Variants in WASF2 observed in about 807,000 individuals in gnomAD.
WASF2 encodes actin-binding protein WASF2.
In WASF2, 14 loss-of-function variants were observed where a neutral mutation model predicts 45.0. The observed-to-expected ratio is 0.31, with a 90% confidence interval of 0.21 to 0.49. The LOEUF (loss-of-function observed/expected upper bound fraction) is 0.49, where lower values mean the gene tolerates loss of function less well. Ranked by LOEUF, WASF2 falls within the 20% of genes least tolerant of loss-of-function variation. WASF2 has a pLI of 0.99. For missense variants in WASF2, 439 were observed against 636.1 expected, an observed-to-expected ratio of 0.69 and a Z score of 3.33; for synonymous variants, 200 against 236.3, an observed-to-expected ratio of 0.85 and a Z score of 1.41.
At chr1:27,442,978 G>A (rs1380553564) in intron 1 of WASF2, among the ~76,000 whole-genome samples, 4 of 128,424 alleles carry the variant, frequency 3.1e-5, no homozygotes, top group Non-Finnish European at 6.4e-5. Context: ...GAAACAGAGC[G>A]AGACTCTGTC....
At chr1:27,442,655 T>C (rs980310784) in intron 1 of WASF2, among the ~76,000 whole-genome samples, 16 of 151,460 alleles carry the variant, frequency 1.1e-4, no homozygotes, top group Non-Finnish European at 1.8e-4. Context: ...GCCCAGGAGT[T>C]TGAGACCAGC....
At chr1:27,416,573 G>A (rs2016828846) in intron 4 of WASF2, among the ~76,000 whole-genome samples, 1 of 152,240 alleles carries the variant, frequency 6.6e-6, no homozygotes, top group Non-Finnish European at 1.5e-5. Context: ...GTATGCATAT[G>A]TACACATATA....
chr1:27,432,419 C>A (rs529961520), intron 1 of WASF2, among the ~76,000 whole-genome samples: 2 of 151,780 alleles, frequency 1.3e-5, no homozygotes, highest in Non-Finnish European at 2.9e-5. Context: ...GAGGCCGAGG[C>A]GGGCGGATCA....
intron 1 of WASF2, among the ~76,000 whole-genome samples, chr1:27,487,323 T>C (rs1162956870): frequency 7.0e-6 from 1 of 142,918 alleles, no homozygotes; most frequent in Non-Finnish European, 1.5e-5. Context: ...ATGGTCTCGA[T>C]CTCCCGACCT....
At chr1:27,474,204 A>G (rs1231893917) in intron 1 of WASF2, among the ~76,000 whole-genome samples, 1 of 152,196 alleles carries the variant, frequency 6.6e-6, no homozygotes, top group African/African-American at 2.4e-5. Context: ...TAGGAGATAG[A>G]TACATAGGAG....
At chr1:27,420,926 A>G (rs2016900648) in intron 2 of WASF2, among the ~76,000 whole-genome samples, 1 of 152,226 alleles carries the variant, frequency 6.6e-6, no homozygotes. Flanking sequence ...TCTAATTTTT[A>G]GCTTCAAAAC....
chr1:27,459,058 G>A (rs1223645698), intron 1 of WASF2, among the ~76,000 whole-genome samples: 4 of 151,246 alleles, frequency 2.6e-5, no homozygotes, highest in Non-Finnish European at 2.9e-5. Flanking sequence ...CCCAGGAAGC[G>A]GAGGTTGCAG....
chr1:27,484,936 G>A (rs180994633), intron 1 of WASF2, among the ~76,000 whole-genome samples: 354 of 151,578 alleles, frequency 2.3e-3, no homozygotes, highest in African/African-American at 7.7e-3. Flanking sequence ...GATCACCTGA[G>A]GTCAAGAGTT....
intron 1 of WASF2, among the ~76,000 whole-genome samples, chr1:27,482,796 A>G (rs1245265275): frequency 6.6e-6 from 1 of 152,206 alleles, no homozygotes; most frequent in Non-Finnish European, 1.5e-5. Context: ...AAAGGAGAAC[A>G]TGCACCTGAG....
At chr1:27,435,660 G>C (rs1278082530) in intron 1 of WASF2, among the ~76,000 whole-genome samples, 1 of 151,730 alleles carries the variant, frequency 6.6e-6, no homozygotes, top group Non-Finnish European at 1.5e-5. Flanking sequence ...GGGGTGAGCT[G>C]GGGGTTGGAG....
intron 1 of WASF2, among the ~76,000 whole-genome samples, chr1:27,445,926 A>G (rs2017305119): frequency 6.6e-6 from 1 of 150,958 alleles, no homozygotes; most frequent in Non-Finnish European, 1.5e-5. Context: ...TAATCTGTGT[A>G]TGTATATTTT....
chr1:27,442,827 C>G (rs1345916000), intron 1 of WASF2, among the ~76,000 whole-genome samples: 1 of 151,530 alleles, frequency 6.6e-6, no homozygotes, highest in East Asian at 1.9e-4. Context: ...ATGGTGAAAC[C>G]CCGTCTCTAC....
intron 1 of WASF2, among the ~76,000 whole-genome samples, chr1:27,442,728 C>T (rs945580000): frequency 6.6e-6 from 1 of 151,714 alleles, no homozygotes; most frequent in African/African-American, 2.4e-5. Context: ...AAGGGCCGGG[C>T]GTGGTGGCTC....
At chr1:27,473,455 CAAAAAAA>C (rs752426888) in intron 1 of WASF2, among the ~76,000 whole-genome samples, 2 of 49,752 alleles carry the variant, frequency 4.0e-5, no homozygotes, top group African/African-American at 7.6e-5. Flanking sequence ...ACTCCATGGC[CAAAAAAA>C]AAAAAAAAAA....
At chr1:27,460,284 G>A (rs2017526802) in intron 1 of WASF2, among the ~76,000 whole-genome samples, 1 of 152,058 alleles carries the variant, frequency 6.6e-6, no homozygotes, top group African/African-American at 2.4e-5. Flanking sequence ...AGACTTGGAG[G>A]AAATGAAGTT....
In WASF2 at chr1:27,408,203, C is replaced by T. The variant is rs757131716; in HGVS notation, c.1483G>A (p.Asp495Asn). 1.4e-5 allele frequency: 22 copies of T among 1,613,696 alleles called. No individual in the cohort carries two copies. Among genetic ancestry groups the T allele is most frequent in the East Asian group, 2.2e-5 (1 of 44,888 alleles). ...GGCAGAAAGAGTTAATCGGACCAGT[C>T]GTCCTCATCAAATTCAGAGGAGTCA... Reference protein sequence around the residue: ...EDDSSEFDEDDWSD With the variant: ...EDDSSEFDEDNWSD The change falls in exon 9 of 9, where the codon GAC becomes AAC. Residue 495 changes from aspartate to asparagine, a missense_variant. Physicochemically the swap from Asp to Asn is conservative, Grantham distance 23. Coordinates refer to ENST00000618852, the MANE Select transcript of WASF2 (RefSeq NM_006990.5).
At position 27,408,167 on chromosome 1, in the gene WASF2, G is replaced by A. The variant is rs1366057136; in HGVS notation, c.*22C>T. 3.1e-6 allele frequency: 5 copies of A among 1,602,900 alleles called. No individual in the cohort carries two copies. In the East Asian group the frequency reaches 1.1e-4, roughly 36 times the overall value. On this transcript the variant is annotated 3_prime_UTR_variant, in exon 9 of 9. Coordinates refer to ENST00000618852, the MANE Select transcript of WASF2 (RefSeq NM_006990.5). ...GCAGGTAGGAAGGAAAGAAAAAGAA[G>A]GTGGGCAGCAGGCAGAAAGAGTTAA...
In WASF2 at chr1:27,441,305, C is replaced by A. The variant is rs186997627; in HGVS notation, c.-43-12372G>T. On this transcript the variant is annotated intron_variant, in intron 1 of 8. Coordinates refer to ENST00000618852, the MANE Select transcript of WASF2 (RefSeq NM_006990.5). ...CCCAGGAAGTTGACACCAGCCTGGG[C>A]AAAATGACAAGGCCCTGTCTCTATA... 9.6e-3 allele frequency among the ~76,000 whole-genome samples: 1,445 copies of A among 150,124 alleles called. 12 individuals are homozygous for A. Among genetic ancestry groups the A allele is most frequent in the Admixed American group, 0.019 (291 of 15,084 alleles).
intron 8 of WASF2, among the ~76,000 whole-genome samples, chr1:27,409,448 A>G (rs1335293030): frequency 2.7e-5 from 4 of 150,418 alleles, no homozygotes; most frequent in Admixed American, 6.6e-5. Flanking sequence ...AAAAAAAAAA[A>G]AAAAAAAAGA....
Sources: allele counts gnomAD v4.1 joint callset (sites outside exome capture counted in the v4.1 genomes callset), GRCh38; gene constraint gnomAD v4.1.1; transcripts MANE v1.5; gene names NCBI Gene and HGNC (gene_info 2026-07-23, HGNC 2026-07-21).